MTA1: variants seen among roughly 807,000 people sequenced by gnomAD.
The protein encoded by MTA1 is metastasis associated 1.
MTA1 carries 15 observed loss-of-function variants against 97.0 expected under a neutral mutation model. That is an observed-to-expected ratio of 0.15 (90% CI 0.10 to 0.24). The LOEUF (loss-of-function observed/expected upper bound fraction) is 0.24, where lower values mean the gene tolerates loss of function less well. MTA1 is among the 10% of genes least tolerant of loss of function. The pLI is 1.00. For missense variants in MTA1, 709 were observed against 1,015.1 expected, an observed-to-expected ratio of 0.70 and a Z score of 4.10; for synonymous variants, 435 against 417.5, an observed-to-expected ratio of 1.04 and a Z score of -0.51.
At position 105,464,566 on chromosome 14, in the gene MTA1, T is replaced by C. The variant is rs1555431966; in HGVS notation, c.1343T>C (p.Met448Thr). The C allele has an allele frequency of 2.5e-6, 4 of 1,612,462 alleles. No homozygotes were observed. The highest frequency in any genetic ancestry group is 2.7e-5 in the African/African-American group (2 of 74,852). ...AGGCCAGGACCAAACCGCAGTAACA[T>C]GGTAAGGGGGGGGACACCCGCCCTG... ...GERPGPNRSN[M>T]SPHGLPARSS... The change falls in exon 14 of 21, where the codon ATG becomes ACG. Residue 448 changes from methionine (M) to threonine (T), a missense_variant and splice_region_variant. By Grantham distance (81) the Met-to-Thr change is moderately conservative. This residue lies in a region of MTA1 where 388 missense variants were observed against 421.6 expected (regional missense o/e 0.92). Transcript: ENST00000331320.
Position 105,466,735 on chromosome 14 carries a change from C to A in MTA1, c.1806C>A (p.Pro602=). The change falls in exon 18 of 21, where the codon CCC becomes CCA. Residue 602 remains proline, a synonymous_variant. Coordinates refer to ENST00000331320, the MANE Select transcript of MTA1 (RefSeq NM_004689.4). ...ACATGAAGAAGCGCCTCTTGATGCC[C>A]AGTAGGGGTAAGGCCTGGAGCCGCG... ...DGNMKKRLLM[P]SRGLANHGQA... 1 of 1,592,148 alleles carries A rather than the reference C, an allele frequency of 6.3e-7. No individual in the cohort carries two copies.
intron 1 of MTA1, among the ~76,000 whole-genome samples, chr14:105,430,067 T>A (rs1555423086): frequency 6.6e-6 from 1 of 152,180 alleles, no homozygotes; most frequent in African/African-American, 2.4e-5. Context: ...CACTTTTAGT[T>A]TCTTTCAGGA....
chr14:105,441,606 A>G lies in MTA1; in HGVS notation c.96+2867A>G, dbSNP rs587665488. 4.7e-4 allele frequency among the ~76,000 whole-genome samples: 72 copies of G among 152,312 alleles called. 1 individual carries two copies. The highest frequency in any genetic ancestry group is 3.4e-3 in the Middle Eastern group (1 of 294). On this transcript the variant is annotated intron_variant, in intron 2 of 20. Transcript: ENST00000331320. ...TCAGGAGATCGAGACCATCCTGGCT[A>G]ATACGGTGAAACTCCGTCTCTACTA... is the stretch of plus-strand genomic sequence containing the variant.
rs923127974 is a variant in MTA1 at position 105,454,220 on chromosome 14, G to A, written c.460G>A (p.Asp154Asn). 1.2e-6 allele frequency: 2 copies of A among 1,613,256 alleles called. No individual in the cohort carries two copies. The highest frequency in any genetic ancestry group is 8.5e-7 in the Non-Finnish European group (1 of 1,179,470). The change falls in exon 7 of 21, where the codon GAC (aspartate) becomes AAC (asparagine). Residue 154 changes from aspartate (D) to asparagine (N), a missense_variant. Asp to Asn is a conservative substitution (Grantham distance 23). Transcript: ENST00000331320. ...TTTCTTCTTCTATTCTCTAGTCTAC[G>A]ACCCACAGCAGAAGACCCTGCTGGC... ...EDFFFYSLVY[D>N]PQQKTLLADK...
chr14:105,431,749 C>T (rs969334973), intron 1 of MTA1, among the ~76,000 whole-genome samples: 3 of 152,104 alleles, frequency 2.0e-5, no homozygotes, highest in African/African-American at 7.2e-5. Context: ...CTTCAGCCTC[C>T]CAAGTAGCTG....
chr14:105,448,651 G>A (rs1187806922), intron 3 of MTA1, among the ~76,000 whole-genome samples: 1 of 152,232 alleles, frequency 6.6e-6, no homozygotes, highest in Non-Finnish European at 1.5e-5. Flanking sequence ...TGGACCGGGA[G>A]GAGGTGAGGC....
At chr14:105,447,612 G>GC (rs200608157) in intron 3 of MTA1, among the ~76,000 whole-genome samples, 4 of 152,198 alleles carry the variant, frequency 2.6e-5, no homozygotes, top group Admixed American at 6.5e-5. Flanking sequence ...TCGAGCACTG[G>GC]CCCCCCCAGG....
intron 18 of MTA1, 45 bp from the exon 19 acceptor site, chr14:105,469,422 A>G (rs751366059): frequency 1.8e-4 from 283 of 1,607,532 alleles, no homozygotes; most frequent in Non-Finnish European, 2.3e-4. Context: ...GGAGTGCAGG[A>G]CGCGCTCTCT....
At chr14:105,453,572 G>A (rs1343048025) in intron 6 of MTA1, among the ~76,000 whole-genome samples, 1 of 152,220 alleles carries the variant, frequency 6.6e-6, no homozygotes, top group Non-Finnish European at 1.5e-5. Flanking sequence ...CACTTTGGGA[G>A]GCCGAGGCGG....
At position 105,420,149 on chromosome 14, in the gene MTA1, C is replaced by T; in HGVS notation, c.28+86C>T. Reference sequence around the variant, plus strand: ...CTGCCGCCTCCCCCGCCCCTCTGCCCCGCAGGCCCCGCGCCCCCCGCCCGC... The same window carrying T: ...CTGCCGCCTCCCCCGCCCCTCTGCCTCGCAGGCCCCGCGCCCCCCGCCCGC... On this transcript the variant is annotated intron_variant, in intron 1 of 20. Transcript: ENST00000331320. This position sits in a 1 kb window ranked among gnomAD's most constrained non-coding sequence, Gnocchi z 5.3. 1.5e-6 allele frequency: 1 copy of T among 667,092 alleles called. No homozygotes were observed. The highest frequency in any genetic ancestry group is 2.0e-5 in the African/African-American group (1 of 50,516). 41.3% of individuals were successfully genotyped at this position (667,092 alleles called of 1,614,324 possible). A position where few individuals can be genotyped will look rare whatever the true frequency, so the allele number is the denominator to read the frequency against.
rs376443992 is a variant in MTA1, at chr14:105,470,624, C to T, written c.*409C>T. Reference sequence around the variant, plus strand: ...ACCTGGAATGTTAGGATCGTGCGGCCGCGGCCGGCCGAGCTGCCTGGCGGG... The same window carrying T: ...ACCTGGAATGTTAGGATCGTGCGGCTGCGGCCGGCCGAGCTGCCTGGCGGG... On this transcript the variant is annotated 3_prime_UTR_variant, in exon 21 of 21. Transcript: ENST00000331320. 1.8e-5 allele frequency: 3 copies of T among 167,286 alleles called. No individual in the cohort carries two copies. The highest frequency in any genetic ancestry group is 3.8e-5 in the Non-Finnish European group (3 of 78,820). The allele number at this position is 167,286 out of a possible 1,614,324, so 10.4% of individuals were successfully genotyped here.
intron 2 of MTA1, among the ~76,000 whole-genome samples, chr14:105,440,955 G>T (rs1429597876): frequency 2.0e-5 from 3 of 152,248 alleles, no homozygotes; most frequent in African/African-American, 7.2e-5. Flanking sequence ...ACAGGGCAAG[G>T]AAGGTGGGAG....
intron 1 of MTA1, among the ~76,000 whole-genome samples, chr14:105,434,956 G>A (rs1595295133): frequency 6.6e-6 from 1 of 152,260 alleles, no homozygotes; most frequent in Non-Finnish European, 1.5e-5. Context: ...CAGTCTGTGT[G>A]CCTTTCATTG....
intron 15 of MTA1, 40 bp from the exon 16 acceptor site, chr14:105,465,053 CT>C: frequency 6.8e-7 from 1 of 1,475,994 alleles, no homozygotes; most frequent in Non-Finnish European, 9.0e-7. Flanking sequence ...CCGTGCTCCC[CT>C]GGGGGTGCCC....
At chr14:105,450,536 G>A (rs1440219672) in intron 6 of MTA1, among the ~76,000 whole-genome samples, 1 of 152,190 alleles carries the variant, frequency 6.6e-6, no homozygotes, top group Non-Finnish European at 1.5e-5. Flanking sequence ...AGAGTTGTGG[G>A]CCAGGAGCTT....
At chr14:105,452,018 C>T (rs2082963155) in intron 6 of MTA1, among the ~76,000 whole-genome samples, 1 of 152,168 alleles carries the variant, frequency 6.6e-6, no homozygotes, top group African/African-American at 2.4e-5. Context: ...TCTCAAACTC[C>T]TGACCTCAGG....
At chr14:105,445,271 T>G in intron 2 of MTA1, 147 bp from the exon 3 acceptor site, 1 of 665,376 alleles carries the variant, frequency 1.5e-6, no homozygotes. Context: ...TTGCTCCATT[T>G]GTGAAGTGCC....
chr14:105,445,604 C>A, intron 3 of MTA1, 93 bp downstream of exon 3: 1 of 1,336,660 alleles, frequency 7.5e-7, no homozygotes, highest in Non-Finnish European at 1.1e-6. Context: ...CATCGGCATC[C>A]TGGCCTCGTG....
Position 105,422,406 on chromosome 14 carries a change from C to T in MTA1, c.28+2343C>T, listed in dbSNP as rs587674796. 6.5e-4 allele frequency among the ~76,000 whole-genome samples: 99 copies of T among 152,178 alleles called. No individual in the cohort carries two copies. Among genetic ancestry groups the T allele is most frequent in the Admixed American group, 4.0e-3 (61 of 15,282 alleles). On this transcript the variant is annotated intron_variant, in intron 1 of 20. Coordinates refer to ENST00000331320, the MANE Select transcript of MTA1 (RefSeq NM_004689.4). The surrounding 1 kb of genome is among the most constrained non-coding windows in gnomAD (Gnocchi z 4.3). ...CAGTGTCTCCTGAGCAGCCTTTGTCCGTCTGTCGCCGGCTGCCTGGCACGG... is the reference window on the plus strand; with the variant it reads ...CAGTGTCTCCTGAGCAGCCTTTGTCTGTCTGTCGCCGGCTGCCTGGCACGG...
Sources: allele counts gnomAD v4.1 joint callset (sites outside exome capture counted in the v4.1 genomes callset), GRCh38; gene constraint gnomAD v4.1.1; regional missense constraint gnomAD v4.1.1; non-coding constraint Gnocchi (gnomAD v3.1); transcripts MANE v1.5; gene names NCBI Gene and HGNC (gene_info 2026-07-23, HGNC 2026-07-21).